The following GLRX3 variants were observed in gnomAD, a reference collection of about 807,000 sequenced individuals.
The protein encoded by GLRX3 is glutaredoxin 3.
Under a neutral mutation model 49.5 loss-of-function variants are expected in GLRX3, and 22 were observed. That is an observed-to-expected ratio of 0.44 (90% CI 0.32 to 0.63). The LOEUF (loss-of-function observed/expected upper bound fraction) is 0.63. Ranked by LOEUF, GLRX3 falls within the 30% of genes least tolerant of loss-of-function variation. The pLI, the probability that GLRX3 is intolerant of heterozygous loss-of-function variation, is 0.05. For missense variants in GLRX3, 385 were observed against 396.3 expected (o/e 0.97, Z 0.24); for synonymous variants, 133 against 140.0 (o/e 0.95, Z 0.35).
At chr10:130,172,493 T>A (rs1862831678) in intron 8 of GLRX3, among the ~76,000 whole-genome samples, 1 of 152,242 alleles carries the variant, frequency 6.6e-6, no homozygotes, top group Non-Finnish European at 1.5e-5. Context: ...TGTCAGATAT[T>A]TTTGTTTATT....
At chr10:130,163,370 C>T (rs981180383) in intron 4 of GLRX3, among the ~76,000 whole-genome samples, 1 of 151,992 alleles carries the variant, frequency 6.6e-6, no homozygotes, top group Non-Finnish European at 1.5e-5. Context: ...TGCAGTGAGC[C>T]GAGATCGAGC....
chr10:130,180,255 C>G (rs1443305779), downstream of GLRX3: 1 of 152,094 alleles, frequency 6.6e-6, no homozygotes, highest in African/African-American at 2.4e-5. Flanking sequence ...CCATGCCCAC[C>G]TAATTTTTTA....
At chr10:130,152,860 T>G (rs2134888789) in intron 2 of GLRX3, among the ~76,000 whole-genome samples, 1 of 152,326 alleles carries the variant, frequency 6.6e-6, no homozygotes, top group South Asian at 2.1e-4. Flanking sequence ...CCTGCTAGGT[T>G]GGGTAAGTTC....
At chr10:130,154,323 G>A (rs557574960) in intron 2 of GLRX3, among the ~76,000 whole-genome samples, 20 of 152,196 alleles carry the variant, frequency 1.3e-4, no homozygotes, top group Non-Finnish European at 2.2e-4. Context: ...ACTTTGGCTC[G>A]CCCTCCATGG....
In GLRX3 at chr10:130,170,799, G is replaced by T. The variant is rs567901684; in HGVS notation, c.772-785G>T. 3.6e-4 allele frequency among the ~76,000 whole-genome samples: 55 copies of T among 152,230 alleles called. No individual in the cohort carries two copies. In the South Asian group the frequency reaches 1.0e-2, roughly 28 times the overall value. The stretch of plus-strand genomic sequence containing the variant: ...GTCCTGTGGCATGAAAAAAGCTTAA[G>T]ATTTTCATAAACTCAAAAAAGTGTT... On this transcript the variant is annotated intron_variant, in intron 7 of 10. Transcript: ENST00000331244.
At chr10:130,172,989 A>C (rs1308541039) in intron 8 of GLRX3, among the ~76,000 whole-genome samples, 1 of 152,224 alleles carries the variant, frequency 6.6e-6, no homozygotes, top group African/African-American at 2.4e-5. Context: ...CATTTTATAG[A>C]AGCAAGTATA....
At chr10:130,142,308 A>G (rs1417774857) in intron 1 of GLRX3, among the ~76,000 whole-genome samples, 1 of 151,918 alleles carries the variant, frequency 6.6e-6, no homozygotes, top group Non-Finnish European at 1.5e-5. Context: ...GCATCTCCCC[A>G]AGCCCTCCTT....
At chr10:130,167,803 A>G (rs1862722213) in intron 6 of GLRX3, among the ~76,000 whole-genome samples, 1 of 152,062 alleles carries the variant, frequency 6.6e-6, no homozygotes, top group Non-Finnish European at 1.5e-5. Context: ...CGTCCAATCC[A>G]CGTATGTCAG....
At chr10:130,154,064 C>G (rs1433409311) in intron 2 of GLRX3, among the ~76,000 whole-genome samples, 2 of 152,238 alleles carry the variant, frequency 1.3e-5, no homozygotes, top group African/African-American at 2.4e-5. Flanking sequence ...CCTAGCCAAG[C>G]TTCAGTGTCC....
chr10:130,166,386 C>T (rs763826775), intron 4 of GLRX3, 121 bp from the exon 5 acceptor site: 4 of 647,050 alleles, frequency 6.2e-6, no homozygotes, highest in Non-Finnish European at 1.1e-5. Flanking sequence ...ATTAAATCAC[C>T]AGCAAAATAA....
At chr10:130,139,397 T>C (rs1590054639) in intron 1 of GLRX3, among the ~76,000 whole-genome samples, 2 of 152,002 alleles carry the variant, frequency 1.3e-5, no homozygotes, top group South Asian at 4.2e-4. Flanking sequence ...CCCAGCACTT[T>C]GGGAGGCCGA....
intron 2 of GLRX3, among the ~76,000 whole-genome samples, chr10:130,154,018 G>C (rs796120072): frequency 3.5e-4 from 54 of 152,288 alleles, no homozygotes; most frequent in African/African-American, 1.3e-3. Context: ...CTCAGCAATG[G>C]CCTACTCAAG....
intron 2 of GLRX3, among the ~76,000 whole-genome samples, chr10:130,149,608 T>C (rs1862333677): frequency 6.6e-6 from 1 of 152,178 alleles, no homozygotes; most frequent in African/African-American, 2.4e-5. Flanking sequence ...GGAGTACACC[T>C]TTGTCATTTA....
At chr10:130,136,904 C>T (rs942262048) in intron 1 of GLRX3, among the ~76,000 whole-genome samples, 6 of 152,154 alleles carry the variant, frequency 3.9e-5, no homozygotes, top group African/African-American at 1.4e-4. Context: ...GCGCCGAGAC[C>T]CCGGCCCTCC....
intron 7 of GLRX3, among the ~76,000 whole-genome samples, chr10:130,170,754 C>T (rs546117781): frequency 5.9e-5 from 9 of 152,096 alleles, no homozygotes; most frequent in African/African-American, 2.2e-4. Context: ...ATCTTTTCCA[C>T]AAGATTGCTG....
chr10:130,168,867 G>C (rs1355104472), intron 6 of GLRX3, among the ~76,000 whole-genome samples: 3 of 152,192 alleles, frequency 2.0e-5, no homozygotes, highest in Non-Finnish European at 2.9e-5. Context: ...GACTAAACTT[G>C]TGGCTGTATA....
At chr10:130,167,290 C>G (rs539120947) in intron 6 of GLRX3, among the ~76,000 whole-genome samples, 19 of 152,324 alleles carry the variant, frequency 1.2e-4, no homozygotes, top group African/African-American at 4.3e-4. Context: ...TGTTTTGTCA[C>G]TGCTCCTTGG....
At chr10:130,158,262 G>T (rs1862514537) in intron 2 of GLRX3, among the ~76,000 whole-genome samples, 2 of 151,822 alleles carry the variant, frequency 1.3e-5, no homozygotes, top group South Asian at 2.1e-4. Context: ...GCCCAGGCTG[G>T]AGTGCAATAG....
At chr10:130,166,344 A>C (rs951866008) in intron 4 of GLRX3, among the ~76,000 whole-genome samples, 163 bp from the exon 5 acceptor site, 1 of 150,814 alleles carries the variant, frequency 6.6e-6, no homozygotes, top group Non-Finnish European at 1.5e-5. Context: ...CCAGGAATTT[A>C]TTTTCTCTTT....
Sources: allele counts gnomAD v4.1 joint callset (sites outside exome capture counted in the v4.1 genomes callset), GRCh38; gene constraint gnomAD v4.1.1; transcripts MANE v1.5; gene names NCBI Gene and HGNC (gene_info 2026-07-23, HGNC 2026-07-21).